Variants in PHACTR1 observed in about 807,000 individuals in gnomAD.
PHACTR1 encodes the protein RPEL repeat containing 1.
A neutral mutation model predicts 69.2 loss-of-function variants in PHACTR1; 16 were observed. The ratio of observed to expected loss-of-function variants is 0.23; its 90% CI spans 0.16 to 0.35. The LOEUF is 0.35. Ranked by LOEUF, PHACTR1 falls within the 10% of genes least tolerant of loss-of-function variation. The probability of loss-of-function intolerance (pLI) is 1.00; values close to 1 mark genes in which losing one functional copy is unlikely to be tolerated. For synonymous variants in PHACTR1, 312 were observed against 284.5 expected (o/e 1.10, Z -0.97); for missense variants, 510 against 734.7 (o/e 0.69, Z 3.54).
At chr6:13,115,942 G>A (rs2127926393) in intron 5 of PHACTR1, among the ~76,000 whole-genome samples, 1 of 152,302 alleles carries the variant, frequency 6.6e-6, no homozygotes, top group Non-Finnish European at 1.5e-5. Flanking sequence ...TCAATCTTCT[G>A]CTTCAGATGA....
chr6:13,165,214 C>T (rs1044077228), intron 6 of PHACTR1, among the ~76,000 whole-genome samples: 17 of 152,104 alleles, frequency 1.1e-4, no homozygotes, highest in Non-Finnish European at 1.6e-4. Context: ...AAGAACACAA[C>T]TTAAATGTTA....
intron 4 of PHACTR1, among the ~76,000 whole-genome samples, chr6:12,932,121 A>T (rs1788936876): frequency 1.3e-5 from 2 of 152,140 alleles, no homozygotes; most frequent in African/African-American, 4.8e-5. Context: ...AGTTCTGAGG[A>T]CCACAACTCT....
At chr6:12,857,180 G>A (rs916787492) in intron 4 of PHACTR1, among the ~76,000 whole-genome samples, 2 of 152,058 alleles carry the variant, frequency 1.3e-5, no homozygotes, top group African/African-American at 4.8e-5. Flanking sequence ...TTTCCTATGA[G>A]GTGTTTTCTG....
chr6:12,919,309 A>G (rs750294146), intron 4 of PHACTR1, among the ~76,000 whole-genome samples: 4 of 151,198 alleles, frequency 2.6e-5, no homozygotes, highest in African/African-American at 9.7e-5. Context: ...TGTCCAGCTA[A>G]TTTTTGTAGT....
intron 5 of PHACTR1, among the ~76,000 whole-genome samples, chr6:13,134,676 C>T (rs1021118509): frequency 9.9e-5 from 15 of 151,804 alleles, no homozygotes; most frequent in African/African-American, 3.1e-4. Context: ...GGGTCCTCTG[C>T]ATAGGAAAAC....
At position 13,246,125 on chromosome 6, in the gene PHACTR1, A is replaced by C. The variant is rs1198346619; in HGVS notation, c.1391+15932A>C. On this transcript the variant is annotated intron_variant, in intron 10 of 14. Transcript: ENST00000332995. The surrounding 1 kb of genome is among the most constrained non-coding windows in gnomAD (Gnocchi z 4.2). ...GCTTAAAATTAATATCTCTCAAAAA[A>C]GAGAGAGAAATAGATCATGTTTTAC... 6.6e-6 allele frequency among the ~76,000 whole-genome samples: 1 copy of C among 152,238 alleles called. No individual in the cohort carries two copies. Among genetic ancestry groups the C allele is most frequent in the Non-Finnish European group, 1.5e-5 (1 of 68,044 alleles).
At chr6:13,028,114 A>AT (rs1801959352) in intron 4 of PHACTR1, among the ~76,000 whole-genome samples, 1 of 152,208 alleles carries the variant, frequency 6.6e-6, no homozygotes, top group Non-Finnish European at 1.5e-5. Flanking sequence ...ACCCACATGC[A>AT]TTTTATCACA....
Position 13,287,130 on chromosome 6 carries a change from G to C in PHACTR1, c.*52G>C. On this transcript the variant is annotated 3_prime_UTR_variant, in exon 15 of 15. Coordinates refer to ENST00000332995, the MANE Select transcript of PHACTR1 (RefSeq NM_030948.6). ...CTGTCTTCAAAACATAAATTTATAA[G>C]AACCATAAGTGCTGGTATTTATTCA... 2 of 1,524,090 alleles carry C rather than the reference G, an allele frequency of 1.3e-6. No homozygotes were observed. Among genetic ancestry groups the C allele is most frequent in the Non-Finnish European group, 1.8e-6 (2 of 1,112,234 alleles). 94.4% of individuals were successfully genotyped at this position (1,524,090 alleles called of 1,614,324 possible). A position where few individuals can be genotyped will look rare whatever the true frequency, so the allele number is the denominator to read the frequency against.
chr6:12,881,517 A>T (rs1479439389), intron 4 of PHACTR1, among the ~76,000 whole-genome samples: 2 of 152,090 alleles, frequency 1.3e-5, no homozygotes, highest in Non-Finnish European at 2.9e-5. Flanking sequence ...TCCCCCAGAC[A>T]TGCCCGTGAT....
chr6:12,854,899 C>T (rs942202901), intron 4 of PHACTR1, among the ~76,000 whole-genome samples: 2 of 152,098 alleles, frequency 1.3e-5, no homozygotes, highest in East Asian at 3.8e-4. Flanking sequence ...CAGCTGTTGG[C>T]AAGGTTGTAG....
chr6:12,937,656 T>G (rs1330431020), intron 4 of PHACTR1, among the ~76,000 whole-genome samples: 1 of 152,162 alleles, frequency 6.6e-6, no homozygotes, highest in Non-Finnish European at 1.5e-5. Flanking sequence ...GGGAAAGGGC[T>G]ACTATTTTAG....
chr6:13,082,163 A>G (rs1811495665), intron 5 of PHACTR1, among the ~76,000 whole-genome samples: 1 of 152,088 alleles, frequency 6.6e-6, no homozygotes, highest in Admixed American at 6.6e-5. Flanking sequence ...ACTTCCACTC[A>G]TCGCGATGCC....
At chr6:13,040,126 A>C (rs1277825998) in intron 4 of PHACTR1, among the ~76,000 whole-genome samples, 5 of 152,162 alleles carry the variant, frequency 3.3e-5, no homozygotes, top group Non-Finnish European at 5.9e-5. Flanking sequence ...CTACCCTCAT[A>C]ATTTGAGATG....
intron 4 of PHACTR1, among the ~76,000 whole-genome samples, chr6:12,900,301 G>A (rs1409780029): frequency 1.3e-5 from 2 of 150,566 alleles, no homozygotes; most frequent in African/African-American, 2.4e-5. Flanking sequence ...TTTTCGAAGC[G>A]GATACCTTTA....
chr6:12,833,774 T>C (rs988018836), intron 4 of PHACTR1, among the ~76,000 whole-genome samples: 8 of 152,152 alleles, frequency 5.3e-5, no homozygotes, highest in African/African-American at 1.9e-4. Context: ...ATAAATCCTC[T>C]AATGGCCTCC....
intron 7 of PHACTR1, among the ~76,000 whole-genome samples, chr6:13,192,055 A>C (rs1157882995): frequency 6.6e-6 from 1 of 152,168 alleles, no homozygotes; most frequent in Non-Finnish European, 1.5e-5. Flanking sequence ...GATTTAATTC[A>C]CTCAGCACTT....
intron 4 of PHACTR1, among the ~76,000 whole-genome samples, chr6:13,038,471 A>C (rs186379396): frequency 2.0e-4 from 29 of 148,068 alleles, no homozygotes; most frequent in Admixed American, 1.2e-3. Context: ...CTACTTTTGC[A>C]TGAGTGTTCA....
At chr6:13,098,254 A>G (rs1814597143) in intron 5 of PHACTR1, among the ~76,000 whole-genome samples, 2 of 152,186 alleles carry the variant, frequency 1.3e-5, no homozygotes, top group South Asian at 4.1e-4. Context: ...CTTACTTAGC[A>G]TCCCAAGAAT....
At chr6:13,075,437 C>A (rs968863677) in intron 5 of PHACTR1, among the ~76,000 whole-genome samples, 1 of 152,146 alleles carries the variant, frequency 6.6e-6, no homozygotes, top group Non-Finnish European at 1.5e-5. Flanking sequence ...TGAGTAAGGT[C>A]TTTGTAATGA....
Sources: allele counts gnomAD v4.1 joint callset (sites outside exome capture counted in the v4.1 genomes callset), GRCh38; gene constraint gnomAD v4.1.1; non-coding constraint Gnocchi (gnomAD v3.1); transcripts MANE v1.5; gene names NCBI Gene and HGNC (gene_info 2026-07-23, HGNC 2026-07-21).